PARD3B: variants seen among roughly 807,000 people sequenced by gnomAD.
PARD3B encodes the protein partitioning defective 3 homolog B.
In PARD3B, 103 loss-of-function variants were observed where a neutral mutation model predicts 130.2. That is an observed-to-expected ratio of 0.79 (90% CI 0.67 to 0.93). PARD3B has a LOEUF of 0.93. Among genes scored for constraint, PARD3B ranks in the 40% least tolerant of loss-of-function variants. The probability of loss-of-function intolerance (pLI) is 0.00; values close to 1 mark genes in which losing one functional copy is unlikely to be tolerated. For synonymous variants in PARD3B, 583 were observed against 553.2 expected (o/e 1.05, Z -0.76); for missense variants, 1,609 against 1,499.2 (o/e 1.07, Z -1.21).
Position 205,446,566 on chromosome 2 carries a change from A to T in PARD3B, c.3044+5894A>T, listed in dbSNP as rs1315061711. Reference sequence around the variant, plus strand: ...GTATGTGGTCCATAGTAGCTTTCTAATAGAGGCGACTTCGGTCTCATACCT... The same window carrying T: ...GTATGTGGTCCATAGTAGCTTTCTATTAGAGGCGACTTCGGTCTCATACCT... On this transcript the variant is annotated intron_variant, in intron 20 of 22. Coordinates refer to ENST00000406610, the MANE Select transcript of PARD3B (RefSeq NM_001302769.2). This position sits in a 1 kb window ranked among gnomAD's most constrained non-coding sequence, Gnocchi z 4.4. Among the ~76,000 whole-genome samples, 2 of 152,126 alleles carry T rather than the reference A, an allele frequency of 1.3e-5. No homozygotes were observed. Among genetic ancestry groups the T allele is most frequent in the African/African-American group, 4.8e-5 (2 of 41,410 alleles).
chr2:205,392,538 T>C (rs981948162), intron 18 of PARD3B, among the ~76,000 whole-genome samples: 2 of 152,176 alleles, frequency 1.3e-5, no homozygotes, highest in Admixed American at 6.6e-5. Context: ...AAATAACATA[T>C]CAAAATTTAA....
intron 22 of PARD3B, among the ~76,000 whole-genome samples, chr2:205,578,796 T>A (rs958999443): frequency 6.6e-6 from 1 of 152,220 alleles, no homozygotes; most frequent in Non-Finnish European, 1.5e-5. Flanking sequence ...CACGTCAAAT[T>A]ATCTTACTTT....
intron 3 of PARD3B, among the ~76,000 whole-genome samples, chr2:205,036,272 T>TAA (rs1160012614): frequency 3.1e-4 from 31 of 99,754 alleles, no homozygotes; most frequent in Non-Finnish European, 3.1e-4. Context: ...GCTATATATA[T>TAA]AAATATATGT....
chr2:205,045,185 A>T (rs1698688764), intron 3 of PARD3B, among the ~76,000 whole-genome samples: 1 of 150,654 alleles, frequency 6.6e-6, no homozygotes, highest in Non-Finnish European at 1.5e-5. Flanking sequence ...TCTAGGATAC[A>T]CTATAATACT....
intron 14 of PARD3B, among the ~76,000 whole-genome samples, chr2:205,186,420 C>T (rs1203523488): frequency 1.3e-5 from 2 of 152,206 alleles, no homozygotes; most frequent in African/African-American, 2.4e-5. Context: ...ACTAAGCATA[C>T]ATACTATTTG....
In PARD3B at chr2:205,528,587, G is replaced by C. The variant is rs556358696; in HGVS notation, c.3181-24737G>C. The stretch of plus-strand genomic sequence containing the variant: ...GCTCACTGCTACCTCTACCTCCCAG[G>C]TTCAAGCGATTCTTCTGCCTCAGCC... On this transcript the variant is annotated intron_variant, in intron 21 of 22. Transcript: ENST00000406610. 2.0e-5 allele frequency among the ~76,000 whole-genome samples: 3 copies of C among 152,104 alleles called. No homozygotes were observed. The South Asian group carries it at 6.2e-4, about 32-fold the overall frequency.
intron 1 of PARD3B, among the ~76,000 whole-genome samples, chr2:204,573,831 C>A (rs73984233): frequency 0.021 from 3,198 of 152,278 alleles, 114 homozygotes; most frequent in African/African-American, 0.072. Flanking sequence ...TGCTCTTGGG[C>A]ATCACCTCTG....
At chr2:204,704,598 A>T (rs910692834) in intron 2 of PARD3B, among the ~76,000 whole-genome samples, 7 of 152,230 alleles carry the variant, frequency 4.6e-5, no homozygotes, top group Non-Finnish European at 1.0e-4. Context: ...AATGCATATT[A>T]TCTTGCTTTG....
rs868451814 is a variant in PARD3B, at chr2:205,073,143, T to C, written c.504+25453T>C. Among the ~76,000 whole-genome samples, 6 of 152,318 alleles carry C rather than the reference T, an allele frequency of 3.9e-5. No individual in the cohort carries two copies. The Middle Eastern group carries it at 0.01, about 259-fold the overall frequency. ...TTTTTTGGTTACTATTCCAATTACC[T>C]TTCTATTACCCTAGAGCTGAATAAA... On this transcript the variant is annotated intron_variant, in intron 4 of 22. Transcript: ENST00000406610.
intron 2 of PARD3B, among the ~76,000 whole-genome samples, chr2:204,783,540 A>C (rs1216050094): frequency 6.6e-6 from 1 of 152,188 alleles, no homozygotes; most frequent in African/African-American, 2.4e-5. Context: ...TCCAAAACAC[A>C]GTACAAATAC....
intron 20 of PARD3B, among the ~76,000 whole-genome samples, chr2:205,489,289 ATTAC>A: frequency 1.3e-5 from 2 of 152,024 alleles, no homozygotes; most frequent in Admixed American, 6.6e-5. Flanking sequence ...ATTTGTGTAA[ATTAC>A]TTAAGGCTCA....
chr2:205,445,633 A>G (rs75395435), intron 20 of PARD3B, among the ~76,000 whole-genome samples: 2 of 152,306 alleles, frequency 1.3e-5, no homozygotes, highest in Admixed American at 6.5e-5. Context: ...ACCAGGCCCC[A>G]CTTCCAACAC....
Position 204,545,879 on chromosome 2 carries a change from CG to C in PARD3B, c.-117del. 2 of 1,169,152 alleles carry C rather than the reference CG, an allele frequency of 1.7e-6. No individual in the cohort carries two copies. The highest frequency in any genetic ancestry group is 2.3e-6 in the Non-Finnish European group (2 of 880,198). The allele number at this position is 1,169,152 out of a possible 1,614,324, so 72.4% of individuals were successfully genotyped here. A position where few individuals can be genotyped will look rare whatever the true frequency, so the allele number is the denominator to read the frequency against. ...CGAGCCTCCGGGCCTCAGGGTGTTCCGGGGAGCGGCGCCCCGGGTCTCTGGG... is the reference window on the plus strand; with the variant it reads ...CGAGCCTCCGGGCCTCAGGGTGTTCCGGGAGCGGCGCCCCGGGTCTCTGGG... On this transcript the variant is annotated 5_prime_UTR_variant, in exon 1 of 23. Transcript: ENST00000406610.
chr2:205,088,756 A>G (rs1408008187), intron 4 of PARD3B, among the ~76,000 whole-genome samples: 1 of 150,870 alleles, frequency 6.6e-6, no homozygotes, highest in African/African-American at 2.4e-5. Flanking sequence ...ATGACTGCCA[A>G]TCATAATGCA....
At chr2:205,210,202 CA>C (rs1430453103) in intron 15 of PARD3B, among the ~76,000 whole-genome samples, 1 of 150,684 alleles carries the variant, frequency 6.6e-6, no homozygotes, top group Non-Finnish European at 1.5e-5. Flanking sequence ...CCCATCTCTA[CA>C]AAAAAAATTT....
chr2:204,806,888 G>A (rs2042785306), intron 2 of PARD3B, among the ~76,000 whole-genome samples: 1 of 152,134 alleles, frequency 6.6e-6, no homozygotes, highest in Non-Finnish European at 1.5e-5. Flanking sequence ...ATGTAAAAAT[G>A]TGCTCAACAT....
At chr2:205,489,986 A>G (rs913607583) in intron 20 of PARD3B, among the ~76,000 whole-genome samples, 25 of 152,174 alleles carry the variant, frequency 1.6e-4, no homozygotes, top group Admixed American at 4.6e-4. Context: ...ACAACAATCA[A>G]TCACATAGGA....
intron 4 of PARD3B, among the ~76,000 whole-genome samples, chr2:205,052,380 C>T (rs1397970529): frequency 7.0e-6 from 1 of 143,158 alleles, no homozygotes; most frequent in East Asian, 2.0e-4. Context: ...AAATACTTGA[C>T]CTATCTTTTC....
chr2:204,807,124 T>C (rs1244090882), intron 2 of PARD3B, among the ~76,000 whole-genome samples: 8 of 152,140 alleles, frequency 5.3e-5, no homozygotes, highest in Non-Finnish European at 8.8e-5. Context: ...GTGAGACTTA[T>C]TCGCTCTCAT....
Sources: allele counts gnomAD v4.1 joint callset (sites outside exome capture counted in the v4.1 genomes callset), GRCh38; gene constraint gnomAD v4.1.1; non-coding constraint Gnocchi (gnomAD v3.1); transcripts MANE v1.5; gene names NCBI Gene and HGNC (gene_info 2026-07-23, HGNC 2026-07-21).